Variants in PCDH9 observed in about 807,000 individuals in gnomAD.
PCDH9 encodes protocadherin-9.
In PCDH9, 24 loss-of-function variants were observed where a neutral mutation model predicts 70.6. That is an observed-to-expected ratio of 0.34 (90% CI 0.25 to 0.48). The LOEUF is 0.48. Ranked by LOEUF, PCDH9 falls within the 20% of genes least tolerant of loss-of-function variation. The pLI, the probability that PCDH9 is intolerant of heterozygous loss-of-function variation, is 0.99. For synonymous variants in PCDH9, 562 were observed against 558.5 expected, an observed-to-expected ratio of 1.01 and a Z score of -0.09; for missense variants, 1,281 against 1,503.6, an observed-to-expected ratio of 0.85 and a Z score of 2.45.
At chr13:66,706,246 A>C (rs1029142731) in intron 3 of PCDH9, among the ~76,000 whole-genome samples, 4 of 152,212 alleles carry the variant, frequency 2.6e-5, no homozygotes, top group African/African-American at 9.6e-5. Context: ...ACACTTCCAC[A>C]TAATGGTTAT....
intron 3 of PCDH9, among the ~76,000 whole-genome samples, chr13:66,707,269 C>G (rs553405715): frequency 1.3e-5 from 2 of 152,248 alleles, no homozygotes; most frequent in Middle Eastern, 6.8e-3. Flanking sequence ...TCGTTTTGAA[C>G]ACTACAGAAC....
At chr13:66,662,699 TA>T (rs1393932000) in intron 3 of PCDH9, among the ~76,000 whole-genome samples, 3 of 152,132 alleles carry the variant, frequency 2.0e-5, no homozygotes, top group Non-Finnish European at 4.4e-5. Flanking sequence ...ATGGGTGACA[TA>T]AGGAGTTGGT....
intron 3 of PCDH9, among the ~76,000 whole-genome samples, chr13:66,895,479 A>T (rs2082162352): frequency 6.6e-6 from 1 of 152,208 alleles, no homozygotes; most frequent in South Asian, 2.1e-4. Flanking sequence ...GATTTTTAGC[A>T]TCGCAATATA....
intron 2 of PCDH9, among the ~76,000 whole-genome samples, chr13:67,076,914 G>A (rs2085888960): frequency 6.6e-6 from 1 of 152,108 alleles, no homozygotes; most frequent in African/African-American, 2.4e-5. Context: ...TAATGGCAGG[G>A]AAGCAGTTTT....
chr13:67,008,987 A>C (rs1388469932), intron 2 of PCDH9, among the ~76,000 whole-genome samples: 2 of 152,106 alleles, frequency 1.3e-5, no homozygotes, highest in Non-Finnish European at 2.9e-5. Context: ...AGATGCACTA[A>C]AATAATTCCT....
rs188168122 is a variant in PCDH9 at position 66,841,883 on chromosome 13, C to T, written c.3138+61621G>A. On this transcript the variant is annotated intron_variant, in intron 3 of 4. Coordinates refer to ENST00000377865, the MANE Select transcript of PCDH9 (RefSeq NM_203487.3). The stretch of plus-strand genomic sequence containing the variant: ...TACTTGGGAAAATATACAATCATGG[C>T]ATTAGTTCCGGTAAAAGTGATTATG... Among the ~76,000 whole-genome samples, 578 of 152,160 alleles carry T rather than the reference C, an allele frequency of 3.8e-3. 6 individuals carry two copies. The highest frequency in any genetic ancestry group is 0.013 in the African/African-American group (551 of 41,512).
intron 3 of PCDH9, among the ~76,000 whole-genome samples, chr13:66,862,951 T>C (rs751355890): frequency 1.3e-5 from 2 of 152,188 alleles, no homozygotes; most frequent in Non-Finnish European, 2.9e-5. Context: ...TTTGTGTTTG[T>C]TTTTAGCAGT....
chr13:67,225,544 T>G lies in PCDH9; in HGVS notation c.2897A>C (p.Glu966Ala), dbSNP rs1409876894. ...AACAAAGGTGTTGTCCAAAGGGAGT[T>G]CCTGAATCACGTGGTGCTTTTTCAC... ...VSVKKHHVIQ[E>A]LPLDNTFVGG... The change falls in exon 2 of 5, where the codon GAA becomes GCA. Residue 966 changes from glutamate to alanine, a missense_variant. Coordinates refer to ENST00000377865, the MANE Select transcript of PCDH9 (RefSeq NM_203487.3). 6.2e-7 allele frequency: 1 copy of G among 1,614,136 alleles called. No individual in the cohort carries two copies. Among genetic ancestry groups the G allele is most frequent in the South Asian group, 1.1e-5 (1 of 91,080 alleles).
intron 2 of PCDH9, among the ~76,000 whole-genome samples, chr13:67,193,672 T>C (rs1380988904): frequency 6.6e-6 from 1 of 152,116 alleles, no homozygotes. Context: ...ATATTCTTAA[T>C]TACTTCCTTC....
chr13:66,886,977 C>A (rs548725614), intron 3 of PCDH9, among the ~76,000 whole-genome samples: 205 of 151,164 alleles, frequency 1.4e-3, no homozygotes, highest in Middle Eastern at 3.4e-3. Flanking sequence ...TTCTTTTAAC[C>A]TTTCTCTATT....
At chr13:66,807,088 C>T (rs1450141468) in intron 3 of PCDH9, among the ~76,000 whole-genome samples, 1 of 152,118 alleles carries the variant, frequency 6.6e-6, no homozygotes, top group Non-Finnish European at 1.5e-5. Flanking sequence ...AATTGAATGC[C>T]AGATTTACAG....
At position 66,871,830 on chromosome 13, in the gene PCDH9, C is replaced by A. The variant is rs200559747; in HGVS notation, c.3138+31674G>T. Among the ~76,000 whole-genome samples, 15 of 149,628 alleles carry A rather than the reference C, an allele frequency of 1.0e-4. No individual in the cohort carries two copies. In the South Asian group the frequency reaches 1.0e-3, roughly 10 times the overall value. ...TATTTTCTAGCCTATTTCATTACCACCCCCCCCTCAACATTTCTTATTCTC... is the reference window on the plus strand; with the variant it reads ...TATTTTCTAGCCTATTTCATTACCAACCCCCCCTCAACATTTCTTATTCTC... On this transcript the variant is annotated intron_variant, in intron 3 of 4. Coordinates refer to ENST00000377865, the MANE Select transcript of PCDH9 (RefSeq NM_203487.3).
At chr13:66,803,003 A>G (rs1318858332) in intron 3 of PCDH9, among the ~76,000 whole-genome samples, 1 of 152,122 alleles carries the variant, frequency 6.6e-6, no homozygotes, top group Non-Finnish European at 1.5e-5. Flanking sequence ...CTAATTTAAA[A>G]CCATACTTCT....
chr13:66,335,490 A>T (rs138433081), intron 4 of PCDH9, among the ~76,000 whole-genome samples: 2 of 152,298 alleles, frequency 1.3e-5, no homozygotes, highest in African/African-American at 4.8e-5. Context: ...GTACTTATAT[A>T]CCAGGGACCA....
At chr13:66,522,907 C>G (rs1256822412) in intron 4 of PCDH9, among the ~76,000 whole-genome samples, 1 of 152,004 alleles carries the variant, frequency 6.6e-6, no homozygotes, top group Non-Finnish European at 1.5e-5. Context: ...TGGTAATATG[C>G]TACAGTCACA....
Position 66,808,073 on chromosome 13 carries a change from T to C in PCDH9, c.3138+95431A>G, listed in dbSNP as rs368365581. ...TGTTTGGAGGTAGTTTCCCCTTCAATTTGCATCTGGATTTAGGCAAGTGAC... is the reference window on the plus strand; with the variant it reads ...TGTTTGGAGGTAGTTTCCCCTTCAACTTGCATCTGGATTTAGGCAAGTGAC... On this transcript the variant is annotated intron_variant, in intron 3 of 4. Transcript: ENST00000377865. Among the ~76,000 whole-genome samples the C allele has an allele frequency of 5.3e-5, 8 of 152,230 alleles. 1 individual carries two copies. The highest frequency in any genetic ancestry group is 1.9e-4 in the African/African-American group (8 of 41,540).
chr13:67,228,302 G>C lies in PCDH9; in HGVS notation c.139C>G (p.Leu47Val). ...NVPIGNIPKD[L>V]NISHINAATG... The stretch of plus-strand genomic sequence containing the variant: ...GCAGCATTGATGTGAGAAATGTTCA[G>C]ATCCTTTGGTATGTTTCCTATGGGC... The change falls in exon 2 of 5, where the codon CTG becomes GTG. Residue 47 changes from leucine (L) to valine (V), a missense_variant. Physicochemically the swap from Leu to Val is conservative, Grantham distance 32. Coordinates refer to ENST00000377865, the MANE Select transcript of PCDH9 (RefSeq NM_203487.3). 1 of 1,614,194 alleles carries C rather than the reference G, an allele frequency of 6.2e-7. No individual in the cohort carries two copies. The highest frequency in any genetic ancestry group is 8.5e-7 in the Non-Finnish European group (1 of 1,180,024).
At chr13:67,112,166 C>A (rs1445997934) in intron 2 of PCDH9, among the ~76,000 whole-genome samples, 1 of 152,194 alleles carries the variant, frequency 6.6e-6, no homozygotes, top group Non-Finnish European at 1.5e-5. Flanking sequence ...CTTACAATGA[C>A]ATGTTTACAC....
intron 3 of PCDH9, among the ~76,000 whole-genome samples, chr13:66,632,919 A>T (rs1393114804): frequency 6.6e-6 from 1 of 152,116 alleles, no homozygotes; most frequent in Non-Finnish European, 1.5e-5. Flanking sequence ...TCTAGTACCT[A>T]AAATTTGTGC....
Sources: allele counts gnomAD v4.1 joint callset (sites outside exome capture counted in the v4.1 genomes callset), GRCh38; gene constraint gnomAD v4.1.1; transcripts MANE v1.5; gene names NCBI Gene and HGNC (gene_info 2026-07-23, HGNC 2026-07-21).